POU1F1: variants seen among roughly 807,000 people sequenced by gnomAD.
POU1F1 encodes the protein POU class 1 homeobox 1, also known as pituitary-specific positive transcription factor 1.
In POU1F1, 23 loss-of-function variants were observed where a neutral mutation model predicts 32.3. That is an observed-to-expected ratio of 0.71 (90% CI 0.51 to 1.01). The LOEUF is 1.01. POU1F1 is among the 50% of genes least tolerant of loss of function. The pLI, the probability that POU1F1 is intolerant of heterozygous loss-of-function variation, is 0.00. For missense variants in POU1F1, 323 were observed against 341.6 expected, an observed-to-expected ratio of 0.95 and a Z score of 0.43; for synonymous variants, 120 against 115.6, an observed-to-expected ratio of 1.04 and a Z score of -0.25.
chr3:87,260,868 TTTTTTTTATTTATTTATTTATTTA>T lies in POU1F1; in HGVS notation c.665+381_665+404del, dbSNP rs1447519979. 3.5e-3 allele frequency among the ~76,000 whole-genome samples: 485 copies of T among 140,146 alleles called. 2 individuals carry two copies. The highest frequency in any genetic ancestry group is 4.6e-3 in the South Asian group (21 of 4,548). The allele number at this position is 140,146 out of a possible 152,430, so 91.9% of individuals were successfully genotyped here. A position where few individuals can be genotyped will look rare whatever the true frequency, so the allele number is the denominator to read the frequency against. The stretch of plus-strand genomic sequence containing the variant: ...ATTAAGTTATTACATTATTATTATT[TTTTTTTTATTTATTTATTTATTTA>T]TTTATTTATTTATTTATTTATTTAT... On this transcript the variant is annotated intron_variant, in intron 5 of 5. Coordinates refer to ENST00000350375, the MANE Select transcript of POU1F1 (RefSeq NM_000306.4).
chr3:87,272,634 G>A (rs1168506076), intron 2 of POU1F1, among the ~76,000 whole-genome samples: 4 of 152,156 alleles, frequency 2.6e-5, no homozygotes, highest in Admixed American at 2.0e-4. Flanking sequence ...TCAATAAGCA[G>A]GTAGCCATAA....
At chr3:87,268,008 C>T (rs763506842) in intron 2 of POU1F1, among the ~76,000 whole-genome samples, 1 of 151,622 alleles carries the variant, frequency 6.6e-6, no homozygotes. Context: ...CAGAAAATAC[C>T]ATGCTCCAAG....
chr3:87,270,534 A>T (rs1706704729), intron 2 of POU1F1, among the ~76,000 whole-genome samples: 1 of 152,212 alleles, frequency 6.6e-6, no homozygotes, highest in Non-Finnish European at 1.5e-5. Context: ...TGTAAGCATC[A>T]GAGTATGAGT....
intron 2 of POU1F1, among the ~76,000 whole-genome samples, chr3:87,268,636 T>A (rs1706671255): frequency 6.6e-6 from 1 of 152,138 alleles, no homozygotes; most frequent in African/African-American, 2.4e-5. Flanking sequence ...CTGCAAAAAG[T>A]AGGAATAAGA....
intron 2 of POU1F1, among the ~76,000 whole-genome samples, chr3:87,267,771 CTT>C (rs551851027): frequency 2.3e-3 from 350 of 152,180 alleles, no homozygotes; most frequent in Non-Finnish European, 4.0e-3. Flanking sequence ...TGCTCATCTA[CTT>C]TTTTAAATTT....
intron 1 of POU1F1, among the ~76,000 whole-genome samples, chr3:87,275,455 C>T (rs1706809390): frequency 1.3e-5 from 2 of 151,972 alleles, no homozygotes; most frequent in African/African-American, 2.4e-5. Flanking sequence ...AATTTCATTC[C>T]TAAATATGAG....
At chr3:87,263,977 C>G (rs1443403179) in intron 3 of POU1F1, among the ~76,000 whole-genome samples, 1 of 151,990 alleles carries the variant, frequency 6.6e-6, no homozygotes, top group Non-Finnish European at 1.5e-5. Flanking sequence ...CTCTTTTGTA[C>G]TTTTGAATCA....
intron 2 of POU1F1, among the ~76,000 whole-genome samples, chr3:87,270,916 A>G (rs1402170347): frequency 2.0e-5 from 3 of 152,118 alleles, no homozygotes; most frequent in Non-Finnish European, 2.9e-5. Context: ...ATGTCCCAAT[A>G]TAGACATTCT....
Position 87,262,113 on chromosome 3 carries a change from C to T in POU1F1, c.562G>A (p.Ala188Thr). ...TCCTCCAGCCATTTGGATAATATTG[C>T]TTTCAGTTTGCATGCATTTTTAAAG... Reference protein sequence around the residue: ...LSFKNACKLKAILSKWLEEAE... With the variant: ...LSFKNACKLKTILSKWLEEAE... The change falls in exon 4 of 6, where the codon GCA becomes ACA. Residue 188 changes from alanine (A) to threonine (T), a missense_variant. Transcript: ENST00000350375. 1 of 1,613,928 alleles carries T rather than the reference C, an allele frequency of 6.2e-7. No individual in the cohort carries two copies. The highest frequency in any genetic ancestry group is 8.5e-7 in the Non-Finnish European group (1 of 1,179,972).
Position 87,259,605 on chromosome 3 carries a change from G to T in POU1F1, c.*289C>A. 2.6e-6 allele frequency: 1 copy of T among 387,036 alleles called. No individual in the cohort carries two copies. 24.0% of individuals were successfully genotyped at this position (387,036 alleles called of 1,614,324 possible). A position where few individuals can be genotyped will look rare whatever the true frequency, so the allele number is the denominator to read the frequency against. The stretch of plus-strand genomic sequence containing the variant: ...CTTATAAACCCATACTCATATGTCT[G>T]CGTGTGTGTGAGAAAGAGAGCGGGA... On this transcript the variant is annotated 3_prime_UTR_variant, in exon 6 of 6. Transcript: ENST00000350375.
rs1432244484 is a variant in POU1F1, at chr3:87,264,583, T to A, written c.215-71A>T. On this transcript the variant is annotated intron_variant, in intron 2 of 5. Transcript: ENST00000350375. The stretch of plus-strand genomic sequence containing the variant: ...CTCCTTATTTCTATATAAGAAAGGG[T>A]TTTGCCTGACTTAGCCCATTATTCT... 3.9e-6 allele frequency: 5 copies of A among 1,292,378 alleles called. No homozygotes were observed. In the East Asian group the frequency reaches 1.2e-4, roughly 30 times the overall value. The allele number at this position is 1,292,378 out of a possible 1,614,324, so 80.1% of individuals were successfully genotyped here. A position where few individuals can be genotyped will look rare whatever the true frequency, so the allele number is the denominator to read the frequency against.
At chr3:87,267,140 T>C (rs1325355183) in intron 2 of POU1F1, among the ~76,000 whole-genome samples, 3 of 152,194 alleles carry the variant, frequency 2.0e-5, no homozygotes, top group African/African-American at 4.8e-5. Flanking sequence ...TATCAATTAT[T>C]ATTATTATTT....
intron 2 of POU1F1, among the ~76,000 whole-genome samples, chr3:87,268,898 G>A (rs944114912): frequency 2.0e-5 from 3 of 152,096 alleles, no homozygotes; most frequent in Admixed American, 6.6e-5. Flanking sequence ...AGGCAATGGG[G>A]GTCAGAGATA....
intron 2 of POU1F1, among the ~76,000 whole-genome samples, chr3:87,269,170 T>C (rs1706679800): frequency 1.3e-5 from 2 of 152,212 alleles, no homozygotes; most frequent in Admixed American, 1.3e-4. Flanking sequence ...ACTTCCACTG[T>C]GATCTTTTCA....
At chr3:87,266,812 T>G (rs1706629784) in intron 2 of POU1F1, among the ~76,000 whole-genome samples, 1 of 152,082 alleles carries the variant, frequency 6.6e-6, no homozygotes, top group Admixed American at 6.6e-5. Flanking sequence ...TTGATGACAT[T>G]TATGTTATCA....
chr3:87,275,584 A>G (rs1339373787), intron 1 of POU1F1, among the ~76,000 whole-genome samples: 1 of 152,224 alleles, frequency 6.6e-6, no homozygotes, highest in East Asian at 1.9e-4. Context: ...TTGTTACTGC[A>G]TAAAGAATGA....
chr3:87,275,253 G>T (rs2106942776), intron 1 of POU1F1, among the ~76,000 whole-genome samples: 1 of 151,968 alleles, frequency 6.6e-6, no homozygotes, highest in South Asian at 2.1e-4. Flanking sequence ...AGGTAATATT[G>T]AAAAATCTCT....
intron 2 of POU1F1, among the ~76,000 whole-genome samples, chr3:87,266,669 C>G (rs1280604384): frequency 1.3e-5 from 2 of 151,688 alleles, no homozygotes; most frequent in East Asian, 1.9e-4. Flanking sequence ...TTTTTAAAAG[C>G]AATTTTACCA....
At chr3:87,276,284 G>T (rs1162113384) in intron 1 of POU1F1, 37 bp downstream of exon 1, 4 of 1,602,560 alleles carry the variant, frequency 2.5e-6, no homozygotes, top group Non-Finnish European at 3.4e-6. Context: ...GAAATATTTA[G>T]GCCCGGTCAT....
Sources: gnomAD v4.1 joint callset for allele counts (sites outside exome capture counted in the v4.1 genomes callset) on GRCh38, gnomAD v4.1.1 for gene constraint, MANE v1.5 for transcripts, NCBI Gene and HGNC (gene_info 2026-07-23, HGNC 2026-07-21) for gene names.